The following DLGAP2 variants were observed in gnomAD, a reference collection of about 807,000 sequenced individuals.
DLGAP2 encodes the protein disks large-associated protein 2.
In DLGAP2, 26 loss-of-function variants were observed where a neutral mutation model predicts 100.3. The ratio of observed to expected loss-of-function variants is 0.26; its 90% confidence interval spans 0.19 to 0.36. The LOEUF (loss-of-function observed/expected upper bound fraction) is 0.36, where lower values mean the gene tolerates loss of function less well. DLGAP2 is among the 10% of genes least tolerant of loss of function. The pLI is 1.00. For synonymous variants in DLGAP2, 886 were observed against 630.1 expected (o/e 1.41, Z -6.08); for missense variants, 1,858 against 1,453.2 (o/e 1.28, Z -4.53).
At chr8:786,665 G>A (rs956052564) in intron 1 of DLGAP2, among the ~76,000 whole-genome samples, 3 of 152,148 alleles carry the variant, frequency 2.0e-5, no homozygotes, top group Non-Finnish European at 4.4e-5. Context: ...GACCTCCGGG[G>A]AGGGGCCTCG....
chr8:1,240,778 A>G (rs79641169), intron 2 of DLGAP2, among the ~76,000 whole-genome samples: 4,273 of 7,174 alleles, frequency 0.6, 1,715 homozygotes, highest in Middle Eastern at 0.88. Context: ...GTTGTCTCAC[A>G]TGGTGCCGTT....
rs533347338 is a variant in DLGAP2, at chr8:1,350,739, T to C, written c.106+91856T>C. On this transcript the variant is annotated intron_variant, in intron 3 of 14. Transcript: ENST00000637795. ...GTGGAAAGGCCGTGCGGGTCCTGAGTGTGTGTGGAAAGGCCGCGCGGGTCC... is the reference window on the plus strand; with the variant it reads ...GTGGAAAGGCCGTGCGGGTCCTGAGCGTGTGTGGAAAGGCCGCGCGGGTCC... Among the ~76,000 whole-genome samples the C allele has an allele frequency of 2.7e-3, 99 of 36,314 alleles. 3 individuals carry two copies. Among genetic ancestry groups the C allele is most frequent in the Non-Finnish European group, 3.4e-3 (60 of 17,510 alleles). 23.8% of individuals were successfully genotyped at this position (36,314 alleles called of 152,430 possible).
intron 1 of DLGAP2, among the ~76,000 whole-genome samples, chr8:795,340 G>A (rs929467545): frequency 6.6e-6 from 1 of 152,128 alleles, no homozygotes; most frequent in African/African-American, 2.4e-5. Flanking sequence ...CCCATGGCTC[G>A]AGCTTGGGCG....
At chr8:1,175,474 C>G (rs1332165646) in intron 2 of DLGAP2, among the ~76,000 whole-genome samples, 1 of 152,180 alleles carries the variant, frequency 6.6e-6, no homozygotes, top group Non-Finnish European at 1.5e-5. Flanking sequence ...AATTTGATCA[C>G]TAATATATGT....
chr8:866,923 C>G (rs574968352), intron 1 of DLGAP2, among the ~76,000 whole-genome samples: 2 of 152,140 alleles, frequency 1.3e-5, no homozygotes, highest in Non-Finnish European at 2.9e-5. Context: ...AAGCCACGTT[C>G]CCAGGGTCTG....
intron 3 of DLGAP2, chr8:1,296,205 T>A (rs967742275): frequency 2.0e-5 from 3 of 152,138 alleles, no homozygotes; most frequent in African/African-American, 7.2e-5. Context: ...GCTGAGACCC[T>A]TGATGACCGA....
chr8:1,173,127 G>A (rs1362902759), intron 2 of DLGAP2, among the ~76,000 whole-genome samples: 1 of 152,190 alleles, frequency 6.6e-6, no homozygotes, highest in Non-Finnish European at 1.5e-5. Context: ...CAGGTCTGTT[G>A]GAGTTTGCTA....
chr8:856,189 T>TCTTCTTCTTCTTC (rs1563065837), intron 1 of DLGAP2, among the ~76,000 whole-genome samples: 1 of 147,250 alleles, frequency 6.8e-6, no homozygotes, highest in African/African-American at 2.5e-5. Context: ...CTTCTTCTTT[T>TCTTCTTCTTCTTC]TTTTTTTTTT....
intron 2 of DLGAP2, among the ~76,000 whole-genome samples, chr8:1,231,990 A>G (rs1798545693): frequency 6.6e-6 from 1 of 152,238 alleles, no homozygotes; most frequent in Non-Finnish European, 1.5e-5. Flanking sequence ...AATCTTCAAA[A>G]TAAAATAATA....
intron 2 of DLGAP2, among the ~76,000 whole-genome samples, chr8:932,479 T>A (rs181677449): frequency 2.0e-5 from 3 of 152,386 alleles, no homozygotes; most frequent in Middle Eastern, 3.4e-3. Context: ...TTTTGTTTTT[T>A]CATTTCCTAT....
chr8:1,176,519 C>G (rs188594680), intron 2 of DLGAP2, among the ~76,000 whole-genome samples: 9 of 152,294 alleles, frequency 5.9e-5, no homozygotes, highest in Admixed American at 1.3e-4. Flanking sequence ...GGAGATCCTG[C>G]CCTCACAGCC....
intron 3 of DLGAP2, among the ~76,000 whole-genome samples, chr8:1,413,862 T>C (rs1796801780): frequency 6.6e-6 from 1 of 152,274 alleles, no homozygotes; most frequent in South Asian, 2.1e-4. Context: ...CACGTGCAGA[T>C]GCACAATGTC....
chr8:1,111,472 ATGTAT>A (rs1046441358), intron 2 of DLGAP2, among the ~76,000 whole-genome samples: 1 of 151,516 alleles, frequency 6.6e-6, no homozygotes, highest in Non-Finnish European at 1.5e-5. Flanking sequence ...TGTCACAGAG[ATGTAT>A]TGTATAGGTT....
chr8:1,465,628 AC>A (rs555346018), intron 3 of DLGAP2, among the ~76,000 whole-genome samples: 30 of 152,110 alleles, frequency 2.0e-4, no homozygotes, highest in African/African-American at 7.0e-4. Context: ...CTCCACAAAA[AC>A]CCCGATCCCA....
chr8:1,467,015 G>A (rs74420326), intron 3 of DLGAP2, among the ~76,000 whole-genome samples: 2 of 150,248 alleles, frequency 1.3e-5, no homozygotes, highest in Admixed American at 6.6e-5. Context: ...TCAAGAAAGT[G>A]GGGGGGATGT....
intron 13 of DLGAP2, among the ~76,000 whole-genome samples, chr8:1,695,137 A>T (rs1212373002): frequency 1.3e-5 from 2 of 152,156 alleles, no homozygotes; most frequent in Non-Finnish European, 2.9e-5. Context: ...TGTGACCAGG[A>T]CCACCCAGCT....
At chr8:1,198,055 A>G (rs190277389) in intron 2 of DLGAP2, among the ~76,000 whole-genome samples, 6 of 152,198 alleles carry the variant, frequency 3.9e-5, no homozygotes, top group Admixed American at 3.9e-4. Context: ...TGGATGAGGA[A>G]CAGAGGCCAA....
chr8:999,916 CCGGG>C (rs1800897075), intron 2 of DLGAP2, among the ~76,000 whole-genome samples: 2 of 151,328 alleles, frequency 1.3e-5, no homozygotes, highest in Admixed American at 6.6e-5. Flanking sequence ...GCAGACAGAT[CCGGG>C]TGGAGGTGGT....
At chr8:1,441,682 T>TCAA (rs1797837799) in intron 3 of DLGAP2, among the ~76,000 whole-genome samples, 1 of 101,388 alleles carries the variant, frequency 9.9e-6, no homozygotes, top group Non-Finnish European at 1.8e-5. Context: ...AGACTCCATC[T>TCAA]CAAAAAAAAA....
Sources: allele counts gnomAD v4.1 joint callset (sites outside exome capture counted in the v4.1 genomes callset), GRCh38; gene constraint gnomAD v4.1.1; transcripts MANE v1.5; gene names NCBI Gene and HGNC (gene_info 2026-07-23, HGNC 2026-07-21).